CREB5: variants seen among roughly 807,000 people sequenced by gnomAD.
CREB5 encodes cyclic AMP-responsive element-binding protein 5.
CREB5 carries 19 observed loss-of-function variants against 57.1 expected under a neutral mutation model. That is an observed-to-expected ratio of 0.33 (90% confidence interval 0.23 to 0.49). The LOEUF is 0.49. Ranked by LOEUF, CREB5 falls within the 20% of genes least tolerant of loss-of-function variation. The pLI, the probability that CREB5 is intolerant of heterozygous loss-of-function variation, is 0.99. For missense variants in CREB5, 579 were observed against 671.6 expected (o/e 0.86, Z 1.52); for synonymous variants, 238 against 238.3 (o/e 1.00, Z 0.01).
chr7:28,308,003 G>C (rs376775955), intron 1 of CREB5, among the ~76,000 whole-genome samples: 4 of 152,310 alleles, frequency 2.6e-5, no homozygotes, highest in Admixed American at 6.5e-5. Flanking sequence ...CAGCACTGCA[G>C]AGGCCCTGAA....
intron 7 of CREB5, among the ~76,000 whole-genome samples, chr7:28,764,847 T>A (rs1188720970): frequency 1.3e-5 from 2 of 152,208 alleles, no homozygotes; most frequent in African/African-American, 4.8e-5. Flanking sequence ...CTGAGAATAA[T>A]GAGATTTAGA....
chr7:28,541,311 G>A (rs1794202570), intron 4 of CREB5, among the ~76,000 whole-genome samples: 1 of 152,078 alleles, frequency 6.6e-6, no homozygotes, highest in South Asian at 2.1e-4. Context: ...CCATATATTA[G>A]GAGTGTGGCT....
chr7:28,719,982 C>G (rs1293116141), intron 6 of CREB5, among the ~76,000 whole-genome samples: 1 of 152,208 alleles, frequency 6.6e-6, no homozygotes, highest in Non-Finnish European at 1.5e-5. Context: ...ATCGCTTGAA[C>G]CCGGGAGGCG....
At chr7:28,785,624 T>C (rs961917732) in intron 7 of CREB5, among the ~76,000 whole-genome samples, 11 of 152,222 alleles carry the variant, frequency 7.2e-5, no homozygotes, top group Admixed American at 1.3e-4. Context: ...TTGTTAATGT[T>C]TGATTATATT....
At chr7:28,566,872 T>G (rs568772596) in intron 4 of CREB5, among the ~76,000 whole-genome samples, 105 of 152,318 alleles carry the variant, frequency 6.9e-4, no homozygotes, top group Middle Eastern at 6.8e-3. Flanking sequence ...ATCACAGAGA[T>G]GAAGAGATGC....
chr7:28,488,275 C>T (rs762200357), intron 2 of CREB5, 29 bp downstream of exon 2: 1 of 1,598,216 alleles, frequency 6.3e-7, no homozygotes, highest in African/African-American at 1.3e-5. Flanking sequence ...CCTGCTCTGA[C>T]ATGCAGGGCC....
rs532619937 is a variant in CREB5 at position 28,782,854 on chromosome 7, G to A, written c.703-21345G>A. On this transcript the variant is annotated intron_variant, in intron 7 of 10. Coordinates refer to ENST00000357727, the MANE Select transcript of CREB5 (RefSeq NM_182898.4). ...GGCTCTTTGATAAGTTGTGCGGGGC[G>A]ACAGTCCAGGAGTCAGCAAGGTGAT... Among the ~76,000 whole-genome samples, 83 of 152,256 alleles carry A rather than the reference G, an allele frequency of 5.5e-4. 2 individuals carry two copies. The South Asian group carries it at 7.3e-3, about 13-fold the overall frequency.
At chr7:28,597,455 G>A (rs1302370805) in intron 5 of CREB5, among the ~76,000 whole-genome samples, 2 of 152,146 alleles carry the variant, frequency 1.3e-5, no homozygotes, top group East Asian at 1.9e-4. Flanking sequence ...CCAATAAAAC[G>A]TGCTAACAGT....
At chr7:28,477,659 G>C (rs749456673) in intron 1 of CREB5, among the ~76,000 whole-genome samples, 12 of 152,194 alleles carry the variant, frequency 7.9e-5, no homozygotes, top group African/African-American at 2.9e-4. Context: ...ACCTCTCGTG[G>C]GTGGTGGGGT....
At chr7:28,552,004 CT>C (rs1221373482) in intron 4 of CREB5, among the ~76,000 whole-genome samples, 1 of 143,888 alleles carries the variant, frequency 6.9e-6, no homozygotes, top group African/African-American at 2.7e-5. Flanking sequence ...TTTTCTCTCT[CT>C]CTCTCTTTTC....
At position 28,570,355 on chromosome 7, in the gene CREB5, C is replaced by A. The variant is rs752220683; in HGVS notation, c.292-10C>A. ...CCTCCTGACCTTTCCCCTGTGTCTT[C>A]TCTGGGCAGAATATCTCGATGCATA... On this transcript the variant is annotated splice_polypyrimidine_tract_variant and intron_variant, in intron 4 of 10. Coordinates refer to ENST00000357727, the MANE Select transcript of CREB5 (RefSeq NM_182898.4). 1 of 1,608,628 alleles carries A rather than the reference C, an allele frequency of 6.2e-7. No homozygotes were observed. The highest frequency in any genetic ancestry group is 1.1e-5 in the South Asian group (1 of 90,458).
intron 5 of CREB5, among the ~76,000 whole-genome samples, chr7:28,693,886 G>A (rs2128732226): frequency 6.6e-6 from 1 of 152,312 alleles, no homozygotes; most frequent in Admixed American, 6.5e-5. Flanking sequence ...ATATTGTCAT[G>A]TAACAGTTCC....
chr7:28,333,996 A>C (rs1785765334), intron 1 of CREB5, among the ~76,000 whole-genome samples: 1 of 152,144 alleles, frequency 6.6e-6, no homozygotes, highest in Non-Finnish European at 1.5e-5. Context: ...TGGTTTTACT[A>C]ATTTATATTC....
chr7:28,607,280 C>T (rs867498158), intron 5 of CREB5, among the ~76,000 whole-genome samples: 6 of 152,002 alleles, frequency 3.9e-5, no homozygotes, highest in Admixed American at 6.6e-5. Context: ...TAAAACTAAC[C>T]GAGAAATGTG....
chr7:28,336,053 G>A lies in CREB5; in HGVS notation c.-25+36612G>A, dbSNP rs191935577. ...TGTACCCTGGAATAAATCCCACTTG[G>A]TCGTGATGAATGATCTTTTTAATAT... On this transcript the variant is annotated intron_variant, in intron 1 of 9. Coordinates refer to the CREB5 transcript ENST00000396299. 1.3e-3 allele frequency among the ~76,000 whole-genome samples: 198 copies of A among 152,152 alleles called. 1 individual carries two copies. The highest frequency in any genetic ancestry group is 2.4e-3 in the Admixed American group (37 of 15,296).
At chr7:28,431,382 A>G (rs1308996663) in intron 1 of CREB5, among the ~76,000 whole-genome samples, 1 of 152,208 alleles carries the variant, frequency 6.6e-6, no homozygotes, top group Non-Finnish European at 1.5e-5. Flanking sequence ...CGAAAGAAAT[A>G]AAAGAAGTAA....
At position 28,643,010 on chromosome 7, in the gene CREB5, A is replaced by G. The variant is rs1234682889; in HGVS notation, c.464+72473A>G. Among the ~76,000 whole-genome samples the G allele has an allele frequency of 2.9e-5, 4 of 137,518 alleles. No individual in the cohort carries two copies. The East Asian group carries it at 1.1e-3, about 39-fold the overall frequency. The allele number at this position is 137,518 out of a possible 152,430, so 90.2% of individuals were successfully genotyped here. A position where few individuals can be genotyped will look rare whatever the true frequency, so the allele number is the denominator to read the frequency against. On this transcript the variant is annotated intron_variant, in intron 5 of 10. Transcript: ENST00000357727. ...CATACACACACACACACACACACAC[A>G]CACACACACACACACACACACACTT...
At chr7:28,480,290 T>A (rs1481320056) in intron 1 of CREB5, among the ~76,000 whole-genome samples, 2 of 152,162 alleles carry the variant, frequency 1.3e-5, no homozygotes, top group African/African-American at 4.8e-5. Flanking sequence ...ACTGCTGACC[T>A]TTTTCTTAGA....
intron 9 of CREB5, among the ~76,000 whole-genome samples, chr7:28,815,483 G>C (rs1413596636): frequency 6.6e-6 from 1 of 152,142 alleles, no homozygotes; most frequent in Non-Finnish European, 1.5e-5. Flanking sequence ...TACTTTGTAT[G>C]GGGTTTTGGT....
Sources: allele counts gnomAD v4.1 joint callset (sites outside exome capture counted in the v4.1 genomes callset), GRCh38; gene constraint gnomAD v4.1.1; transcripts MANE v1.5; gene names NCBI Gene and HGNC (gene_info 2026-07-23, HGNC 2026-07-21).